The following P3H2 variants were observed in gnomAD, a reference collection of about 807,000 sequenced individuals.
The protein encoded by P3H2 is prolyl 3-hydroxylase 2, also known as leprecan-like 1.
A neutral mutation model predicts 87.0 loss-of-function variants in P3H2; 80 were observed. The observed-to-expected ratio is 0.92, with a 90% CI of 0.77 to 1.11. The LOEUF (loss-of-function observed/expected upper bound fraction) is 1.11, where lower values mean the gene tolerates loss of function less well. Ranked by LOEUF, P3H2 falls within the 50% of genes least tolerant of loss-of-function variation. The pLI, the probability that P3H2 is intolerant of heterozygous loss-of-function variation, is 0.00. For synonymous variants in P3H2, 367 were observed against 359.3 expected, an observed-to-expected ratio of 1.02 and a Z score of -0.24; for missense variants, 1,001 against 923.9, an observed-to-expected ratio of 1.08 and a Z score of -1.08.
intron 1 of P3H2, among the ~76,000 whole-genome samples, chr3:190,097,548 T>C (rs1200238752): frequency 1.3e-5 from 2 of 152,180 alleles, no homozygotes; most frequent in Admixed American, 1.3e-4. Flanking sequence ...CCCTCACAGG[T>C]ACATATTCCC....
intron 1 of P3H2, among the ~76,000 whole-genome samples, chr3:190,042,621 T>A (rs1380055660): frequency 6.6e-6 from 1 of 152,240 alleles, no homozygotes; most frequent in East Asian, 1.9e-4. Flanking sequence ...AACAACCTTA[T>A]GAATAAAAGT....
At chr3:190,016,363 C>A (rs1404421279) in intron 1 of P3H2, among the ~76,000 whole-genome samples, 1 of 152,146 alleles carries the variant, frequency 6.6e-6, no homozygotes, top group Non-Finnish European at 1.5e-5. Context: ...CCTGCCTCAA[C>A]CTCCCAGGTA....
intron 1 of P3H2, among the ~76,000 whole-genome samples, chr3:190,032,736 A>G (rs1224684589): frequency 6.6e-6 from 1 of 152,102 alleles, no homozygotes; most frequent in Non-Finnish European, 1.5e-5. Context: ...GGAATGTTCA[A>G]GTTTTGGCTT....
At chr3:189,986,598 T>C (rs1291321069) in intron 6 of P3H2, among the ~76,000 whole-genome samples, 190 bp downstream of exon 6, 1 of 151,906 alleles carries the variant, frequency 6.6e-6, no homozygotes, top group African/African-American at 2.4e-5. Flanking sequence ...TCAAAATAAA[T>C]AAATAAATAA....
chr3:189,970,577 A>C (rs1389112614), intron 13 of P3H2, among the ~76,000 whole-genome samples: 1 of 152,014 alleles, frequency 6.6e-6, no homozygotes, highest in Non-Finnish European at 1.5e-5. Context: ...CTAACTAGCT[A>C]TATGATCATG....
At chr3:190,052,689 G>A (rs73186409) in intron 1 of P3H2, among the ~76,000 whole-genome samples, 23,937 of 148,350 alleles carry the variant, frequency 0.16, 2,268 homozygotes, top group Non-Finnish European at 0.23. Context: ...GTGTGTGTGT[G>A]TATATATATA....
At chr3:190,060,417 AT>A (rs1726295952) in intron 1 of P3H2, among the ~76,000 whole-genome samples, 1 of 152,130 alleles carries the variant, frequency 6.6e-6, no homozygotes, top group African/African-American at 2.4e-5. Flanking sequence ...TCACATATTA[AT>A]TTTCTGGGAA....
At chr3:190,020,495 C>T (rs1009514371) in intron 1 of P3H2, among the ~76,000 whole-genome samples, 1 of 133,820 alleles carries the variant, frequency 7.5e-6, no homozygotes, top group Non-Finnish European at 1.7e-5. Flanking sequence ...TCAAAGAAGC[C>T]ACGATCAGTT....
rs767557384 is a variant in P3H2 at position 189,973,986 on chromosome 3, C to A, written c.1471G>T (p.Asp491Tyr). ...GGTGAAGTTTTTCCTCTGTATCCAT[C>A]ACCAACAAGCATGATTCCCTGGAAG... Reference protein sequence around the residue: ...SVASGIMLVGDGYRGKTSPHT... With the variant: ...SVASGIMLVGYGYRGKTSPHT... The change falls in exon 10 of 15, where the codon GAT (aspartate) becomes TAT (tyrosine). Residue 491 changes from aspartate to tyrosine, a missense_variant. Asp to Tyr is a radical substitution (Grantham distance 160, BLOSUM62 -3). Coordinates refer to ENST00000319332, the MANE Select transcript of P3H2 (RefSeq NM_018192.4). 1 of 1,613,850 alleles carries A rather than the reference C, an allele frequency of 6.2e-7. No homozygotes were observed. The highest frequency in any genetic ancestry group is 8.5e-7 in the Non-Finnish European group (1 of 1,179,754).
chr3:190,098,212 T>A (rs710584), intron 1 of P3H2, among the ~76,000 whole-genome samples: 20,659 of 152,186 alleles, frequency 0.14, 1,453 homozygotes, highest in East Asian at 0.17. Flanking sequence ...CCTTATTGCA[T>A]ACGTGTTCCA....
At chr3:189,992,023 G>A (rs560808915) in intron 3 of P3H2, among the ~76,000 whole-genome samples, 21 of 152,264 alleles carry the variant, frequency 1.4e-4, no homozygotes, top group African/African-American at 5.1e-4. Flanking sequence ...TATGGGAATA[G>A]GAATTAAGGA....
At chr3:190,056,250 T>C (rs756857499) in intron 1 of P3H2, among the ~76,000 whole-genome samples, 15 of 152,220 alleles carry the variant, frequency 9.9e-5, no homozygotes, top group Middle Eastern at 3.4e-3. Context: ...AAAATAAATG[T>C]CTGTTGTTCA....
chr3:189,968,910 T>C (rs1378754249), intron 13 of P3H2: 1 of 167,924 alleles, frequency 6.0e-6, no homozygotes, highest in Non-Finnish European at 1.3e-5. Context: ...GAAGTGTCTG[T>C]TCATATCCTT....
chr3:189,991,584 T>C (rs1320368295), intron 3 of P3H2, among the ~76,000 whole-genome samples: 1 of 152,166 alleles, frequency 6.6e-6, no homozygotes, highest in East Asian at 1.9e-4. Flanking sequence ...GCACTGAAGA[T>C]TGAGCACTAA....
At chr3:190,051,012 C>T (rs1725964249) in intron 1 of P3H2, among the ~76,000 whole-genome samples, 1 of 152,170 alleles carries the variant, frequency 6.6e-6, no homozygotes, top group Admixed American at 6.5e-5. Context: ...TAATCTGTAG[C>T]AATTTCCTAA....
At chr3:189,975,560 G>T (rs922084297) in intron 8 of P3H2, among the ~76,000 whole-genome samples, 4 of 152,180 alleles carry the variant, frequency 2.6e-5, no homozygotes, top group Non-Finnish European at 4.4e-5. Flanking sequence ...CTCCCAAGGG[G>T]CCTGGTGCGT....
Position 190,120,233 on chromosome 3 carries a change from A to G in P3H2, c.480+19T>C. The G allele has an allele frequency of 6.2e-7, 1 of 1,606,728 alleles. No homozygotes were observed. The highest frequency in any genetic ancestry group is 1.1e-5 in the South Asian group (1 of 89,518). ...GAGAGCCGCAGGGGCTTTGCAGTGG[A>G]GGAGCGCTCTGTGGGTACCTTGATG... On this transcript the variant is annotated intron_variant, in intron 1 of 14. Coordinates refer to ENST00000319332, the MANE Select transcript of P3H2 (RefSeq NM_018192.4).
intron 1 of P3H2, among the ~76,000 whole-genome samples, chr3:190,062,593 T>C (rs2108967515): frequency 6.6e-6 from 1 of 152,254 alleles, no homozygotes; most frequent in Non-Finnish European, 1.5e-5. Context: ...TGATTAATAA[T>C]AAGCCTGGCA....
intron 3 of P3H2, among the ~76,000 whole-genome samples, chr3:189,990,698 C>A (rs189391125): frequency 6.6e-6 from 1 of 152,134 alleles, no homozygotes; most frequent in Non-Finnish European, 1.5e-5. Context: ...CAGTTTTATA[C>A]CTAATTTAGG....
Sources: gnomAD v4.1 joint callset for allele counts (sites outside exome capture counted in the v4.1 genomes callset) on GRCh38, gnomAD v4.1.1 for gene constraint, MANE v1.5 for transcripts, NCBI Gene and HGNC (gene_info 2026-07-23, HGNC 2026-07-21) for gene names.